The following DDAH1 variants were observed in gnomAD, a reference collection of about 807,000 sequenced individuals.
DDAH1 encodes the protein N(G),N(G)-dimethylarginine dimethylaminohydrolase 1.
DDAH1 carries 19 observed loss-of-function variants against 28.8 expected under a neutral mutation model. The observed-to-expected ratio is 0.66, with a 90% confidence interval of 0.46 to 0.97. DDAH1 has a LOEUF of 0.97. Among genes scored for constraint, DDAH1 ranks in the 50% least tolerant of loss-of-function variants. DDAH1 has a pLI of 0.00. For synonymous variants in DDAH1, 153 were observed against 154.4 expected (o/e 0.99, Z 0.07); for missense variants, 326 against 375.9 (o/e 0.87, Z 1.10).
intron 2 of DDAH1, among the ~76,000 whole-genome samples, chr1:85,470,205 G>T (rs1333554869): frequency 1.3e-5 from 2 of 152,162 alleles, no homozygotes; most frequent in Non-Finnish European, 2.9e-5. Flanking sequence ...TAAAGAAAAA[G>T]AGATTTTATG....
chr1:85,561,092 T>C (rs944383471), intron 1 of DDAH1, among the ~76,000 whole-genome samples: 2 of 152,100 alleles, frequency 1.3e-5, no homozygotes, highest in African/African-American at 4.8e-5. Context: ...GGTTTACATA[T>C]AGACTTTAGT....
chr1:85,392,859 C>T (rs983052928), intron 1 of DDAH1, among the ~76,000 whole-genome samples: 2 of 151,428 alleles, frequency 1.3e-5, no homozygotes, highest in Non-Finnish European at 2.9e-5. Flanking sequence ...CCTGACACTT[C>T]CCATTTTGAG....
intron 1 of DDAH1, among the ~76,000 whole-genome samples, chr1:85,370,902 G>C (rs1650345303): frequency 6.6e-6 from 1 of 152,134 alleles, no homozygotes; most frequent in African/African-American, 2.4e-5. Flanking sequence ...AGATCAAGGG[G>C]AGTAGTCAGA....
chr1:85,339,252 C>T (rs1330670933), intron 4 of DDAH1, among the ~76,000 whole-genome samples: 3 of 152,092 alleles, frequency 2.0e-5, no homozygotes, highest in African/African-American at 7.2e-5. Flanking sequence ...AATTGTTTTT[C>T]ATTGTTGTTG....
intron 1 of DDAH1, among the ~76,000 whole-genome samples, chr1:85,379,222 T>C (rs1192740396): frequency 2.6e-5 from 4 of 152,210 alleles, no homozygotes; most frequent in Admixed American, 2.6e-4. Flanking sequence ...GAACCTCTTG[T>C]TAAAAGCCAC....
intron 1 of DDAH1, among the ~76,000 whole-genome samples, chr1:85,537,585 G>A (rs1348703021): frequency 7.4e-6 from 1 of 134,946 alleles, no homozygotes; most frequent in African/African-American, 2.8e-5. Context: ...ATAAGTTCTG[G>A]TGTTCTATTG....
At chr1:85,484,316 T>C (rs943031229) in intron 2 of DDAH1, among the ~76,000 whole-genome samples, 10 of 151,900 alleles carry the variant, frequency 6.6e-5, no homozygotes, top group Non-Finnish European at 1.2e-4. Flanking sequence ...TTTTCAACTT[T>C]GTGGTATAAT....
At chr1:85,514,398 G>C (rs1225463468) in intron 1 of DDAH1, among the ~76,000 whole-genome samples, 1 of 151,990 alleles carries the variant, frequency 6.6e-6, no homozygotes, top group Admixed American at 6.6e-5. Flanking sequence ...CTTGGGAGCT[G>C]GGGGATAGCA....
At chr1:85,408,105 T>A (rs1652491642) in intron 1 of DDAH1, among the ~76,000 whole-genome samples, 2 of 152,214 alleles carry the variant, frequency 1.3e-5, no homozygotes, top group African/African-American at 4.8e-5. Context: ...CTTCAGCAGC[T>A]ATAATAAAAA....
chr1:85,481,100 T>TTG (rs1302575274), intron 2 of DDAH1, among the ~76,000 whole-genome samples: 3 of 139,684 alleles, frequency 2.1e-5, no homozygotes, highest in South Asian at 2.3e-4. Context: ...GGTTTTTTGT[T>TTG]TTTTTTTTTT....
chr1:85,558,550 T>C, intron 1 of DDAH1, among the ~76,000 whole-genome samples: 1 of 152,112 alleles, frequency 6.6e-6, no homozygotes. Flanking sequence ...GTGACTCCAG[T>C]TCTAGTTTGT....
rs544528456 is a variant in DDAH1, at chr1:85,350,760, C to CT, written c.478-227dup. 3.4e-3 allele frequency among the ~76,000 whole-genome samples: 520 copies of CT among 152,218 alleles called. 1 individual carries two copies. Among genetic ancestry groups the CT allele is most frequent in the African/African-American group, 0.012 (483 of 41,544 alleles). The stretch of plus-strand genomic sequence containing the variant: ...GTGACTGCTGCAACATCTTTGCTGG[C>CT]TGTTTGATCTATGGAGTGGGCTACT... On this transcript the variant is annotated intron_variant, in intron 3 of 5. Coordinates refer to ENST00000284031, the MANE Select transcript of DDAH1 (RefSeq NM_012137.4).
At chr1:85,460,188 G>C (rs1557656179) in intron 1 of DDAH1, among the ~76,000 whole-genome samples, 1 of 152,136 alleles carries the variant, frequency 6.6e-6, no homozygotes, top group Non-Finnish European at 1.5e-5. Flanking sequence ...TTATCTTGAT[G>C]TTCACTTGCC....
chr1:85,431,198 T>C (rs1570534197), intron 1 of DDAH1, among the ~76,000 whole-genome samples: 1 of 152,232 alleles, frequency 6.6e-6, no homozygotes, highest in South Asian at 2.1e-4. Flanking sequence ...TTATGTTTAC[T>C]GATTTGTGTA....
chr1:85,535,022 T>C (rs1375839503), intron 1 of DDAH1, among the ~76,000 whole-genome samples: 1 of 152,084 alleles, frequency 6.6e-6, no homozygotes, highest in Non-Finnish European at 1.5e-5. Flanking sequence ...AATTCTTTTT[T>C]TTTTTCCCGT....
intron 1 of DDAH1, among the ~76,000 whole-genome samples, chr1:85,379,093 T>C (rs1240169090): frequency 6.6e-6 from 1 of 152,254 alleles, no homozygotes; most frequent in Admixed American, 6.5e-5. Context: ...TTATGGTTTA[T>C]CTGTAGCAAA....
chr1:85,570,428 A>G (rs1380001769), intron 1 of DDAH1, among the ~76,000 whole-genome samples: 2 of 151,498 alleles, frequency 1.3e-5, no homozygotes, highest in African/African-American at 4.9e-5. Flanking sequence ...CCTTCTTCAT[A>G]TAGTCATCTA....
At chr1:85,556,323 T>C (rs1046236901) in intron 1 of DDAH1, among the ~76,000 whole-genome samples, 2 of 152,234 alleles carry the variant, frequency 1.3e-5, no homozygotes, top group African/African-American at 4.8e-5. Flanking sequence ...TATTTTGGGA[T>C]CATATTCCTT....
chr1:85,366,144 G>A (rs566474978), intron 1 of DDAH1, among the ~76,000 whole-genome samples: 1 of 151,222 alleles, frequency 6.6e-6, no homozygotes, highest in South Asian at 2.1e-4. Context: ...GGGAGCCTTA[G>A]TCCTACAAAA....
Sources: allele counts gnomAD v4.1 joint callset (sites outside exome capture counted in the v4.1 genomes callset), GRCh38; gene constraint gnomAD v4.1.1; transcripts MANE v1.5; gene names NCBI Gene and HGNC (gene_info 2026-07-23, HGNC 2026-07-21).